The following ANKRD36 variants were observed in gnomAD, a reference collection of about 807,000 sequenced individuals.
ANKRD36 encodes the protein ankyrin repeat domain 36.
Under a neutral mutation model 278.1 loss-of-function variants are expected in ANKRD36, and 179 were observed. The observed-to-expected ratio is 0.64, with a 90% CI of 0.57 to 0.73. ANKRD36 has a LOEUF of 0.73. Among genes scored for constraint, ANKRD36 ranks in the 30% least tolerant of loss-of-function variants. The pLI, the probability that ANKRD36 is intolerant of heterozygous loss-of-function variation, is 0.00. For synonymous variants in ANKRD36, 320 were observed against 641.1 expected (o/e 0.50, Z 7.57); for missense variants, 1,159 against 1,956.7 (o/e 0.59, Z 7.69).
Position 97,191,208 on chromosome 2 carries a change from C to T in ANKRD36, c.2347+27C>T, listed in dbSNP as rs779600177. The T allele has an allele frequency of 1.2e-5, 19 of 1,556,322 alleles. 1 individual carries two copies. Among genetic ancestry groups the T allele is most frequent in the African/African-American group, 1.4e-5 (1 of 72,806 alleles). ...TAATTTTGCAAAAGACATTTAATGT[C>T]ATATTCAGTCCAGATAGATAAGAAT... On this transcript the variant is annotated intron_variant, in intron 36 of 75. Transcript: ENST00000420699.
chr2:97,173,411 GA>G (rs2053233793), intron 22 of ANKRD36, among the ~76,000 whole-genome samples: 1 of 151,794 alleles, frequency 6.6e-6, no homozygotes, highest in African/African-American at 2.4e-5. Context: ...TGTGAGTGAA[GA>G]ACAGCTGTGA....
chr2:97,187,493 G>GGGGGGGGGT, intron 32 of ANKRD36, 92 bp downstream of exon 32: 3 of 290,678 alleles, frequency 1.0e-5, no homozygotes, highest in South Asian at 2.7e-5. Context: ...CGGGTGGGGG[G>GGGGGGGGGT]GCTCGCCGAA....
At chr2:97,155,883 G>A (rs1360597865) in intron 15 of ANKRD36, among the ~76,000 whole-genome samples, 1 of 146,490 alleles carries the variant, frequency 6.8e-6, no homozygotes, top group Non-Finnish European at 1.5e-5. Flanking sequence ...TCAACAAACA[G>A]GGAAATGGGC....
chr2:97,199,660 A>G (rs540655917), intron 44 of ANKRD36, among the ~76,000 whole-genome samples: 1 of 152,054 alleles, frequency 6.6e-6, no homozygotes, highest in African/African-American at 2.4e-5. Context: ...AGGCTAATAT[A>G]TTATCCTTCG....
intron 68 of ANKRD36, among the ~76,000 whole-genome samples, chr2:97,237,411 A>G (rs1282267830): frequency 6.6e-6 from 1 of 151,522 alleles, no homozygotes; most frequent in Non-Finnish European, 1.5e-5. Context: ...ATGTACAATG[A>G]TGTGTATCCA....
chr2:97,154,119 C>T (rs571617232), intron 14 of ANKRD36, among the ~76,000 whole-genome samples: 1 of 146,350 alleles, frequency 6.8e-6, no homozygotes, highest in Non-Finnish European at 1.5e-5. Context: ...CAGGGGGTTC[C>T]CTGTAGTGTT....
At chr2:97,201,693 C>T (rs1200321784) in intron 46 of ANKRD36, among the ~76,000 whole-genome samples, 4 of 151,906 alleles carry the variant, frequency 2.6e-5, no homozygotes, top group African/African-American at 9.7e-5. Flanking sequence ...TAGGACACTT[C>T]CACGGAAGAG....
chr2:97,188,546 A>G (rs919191037), intron 32 of ANKRD36, among the ~76,000 whole-genome samples: 2 of 145,036 alleles, frequency 1.4e-5, no homozygotes, highest in Admixed American at 7.1e-5. Flanking sequence ...GTATCAGCAA[A>G]CAGATATCCA....
intron 6 of ANKRD36, among the ~76,000 whole-genome samples, chr2:97,137,925 A>G (rs1184813188): frequency 6.6e-6 from 1 of 152,062 alleles, no homozygotes; most frequent in Non-Finnish European, 1.5e-5. Context: ...GTGTCTGTTC[A>G]TATCCTTTGT....
At chr2:97,175,645 G>A (rs2153528868) in intron 22 of ANKRD36, among the ~76,000 whole-genome samples, 1 of 151,550 alleles carries the variant, frequency 6.6e-6, no homozygotes, top group East Asian at 1.9e-4. Flanking sequence ...TCTGATTTCA[G>A]TTATTTCTTG....
At chr2:97,176,726 G>C (rs2054366796) in intron 22 of ANKRD36, among the ~76,000 whole-genome samples, 1 of 151,500 alleles carries the variant, frequency 6.6e-6, no homozygotes, top group African/African-American at 2.4e-5. Flanking sequence ...AGTCTTGATG[G>C]TTTTTACATT....
intron 22 of ANKRD36, among the ~76,000 whole-genome samples, chr2:97,178,077 A>G (rs1379264057): frequency 7.0e-4 from 106 of 150,798 alleles, no homozygotes; most frequent in Non-Finnish European, 5.9e-4. Context: ...ACATGAAAAA[A>G]TGCTCATCAT....
rs765120447 is a variant in ANKRD36, at chr2:97,200,434, T to C, written c.2785-19T>C. The stretch of plus-strand genomic sequence containing the variant: ...ATGAAACATACCTTATTTATTACTT[T>C]GTTTCAAATTCCATTCAGGCCACAA... On this transcript the variant is annotated intron_variant, in intron 45 of 75. Coordinates refer to ENST00000420699, the MANE Select transcript of ANKRD36 (RefSeq NM_001354587.1). 2.5e-6 allele frequency: 4 copies of C among 1,598,878 alleles called. No homozygotes were observed. The highest frequency in any genetic ancestry group is 1.1e-5 in the South Asian group (1 of 89,604).
At position 97,187,465 on chromosome 2, in the gene ANKRD36, T is replaced by G. The variant is rs375697475; in HGVS notation, c.2143+64T>G. On this transcript the variant is annotated intron_variant, in intron 32 of 75. Transcript: ENST00000420699. ...AGATAGAAAAGAACTTCTCTACCCCTAATAAATCAGCGGAGGGCGGGTGGG... is the reference window on the plus strand; with the variant it reads ...AGATAGAAAAGAACTTCTCTACCCCGAATAAATCAGCGGAGGGCGGGTGGG... 591 of 169,370 alleles carry G rather than the reference T, an allele frequency of 3.5e-3. 5 individuals carry two copies. The highest frequency in any genetic ancestry group is 0.035 in the African/African-American group (414 of 11,944). 10.5% of individuals were successfully genotyped at this position (169,370 alleles called of 1,614,324 possible).
chr2:97,121,809 A>G (rs2036949627), intron 3 of ANKRD36, among the ~76,000 whole-genome samples: 1 of 151,986 alleles, frequency 6.6e-6, no homozygotes, highest in African/African-American at 2.4e-5. Context: ...ATTGGAAACT[A>G]GAATACAAAT....
intron 40 of ANKRD36, among the ~76,000 whole-genome samples, chr2:97,196,058 ATCC>A (rs2059671118): frequency 6.6e-6 from 1 of 151,984 alleles, no homozygotes; most frequent in South Asian, 2.1e-4. Flanking sequence ...GCAAAGAGGT[ATCC>A]AAGGTGATCA....
At chr2:97,177,638 A>G (rs2054698331) in intron 22 of ANKRD36, among the ~76,000 whole-genome samples, 1 of 152,028 alleles carries the variant, frequency 6.6e-6, no homozygotes, top group African/African-American at 2.4e-5. Flanking sequence ...AGAAAGCTGA[A>G]ACTGTATCCC....
intron 30 of ANKRD36, 22 bp from the exon 31 acceptor site, chr2:97,187,176 A>G: frequency 6.8e-6 from 11 of 1,609,276 alleles, no homozygotes; most frequent in Non-Finnish European, 9.3e-6. Context: ...ATGAGTGATT[A>G]TGTATCCCTT....
At chr2:97,226,278 C>T (rs1303194694) in intron 67 of ANKRD36, among the ~76,000 whole-genome samples, 1 of 152,048 alleles carries the variant, frequency 6.6e-6, no homozygotes, top group African/African-American at 2.4e-5. Context: ...ACATCCTCTC[C>T]AGCACCTGTT....
Sources: allele counts gnomAD v4.1 joint callset (sites outside exome capture counted in the v4.1 genomes callset), GRCh38; gene constraint gnomAD v4.1.1; transcripts MANE v1.5; gene names NCBI Gene and HGNC (gene_info 2026-07-23, HGNC 2026-07-21).